NBR1: variants seen among roughly 807,000 people sequenced by gnomAD.
NBR1 encodes NBR1 autophagy cargo receptor, also known as next to BRCA1 gene 1 protein.
Under a neutral mutation model 115.5 loss-of-function variants are expected in NBR1, and 59 were observed. That is an observed-to-expected ratio of 0.51 (90% confidence interval 0.41 to 0.63). The LOEUF is 0.63. NBR1 is among the 30% of genes least tolerant of loss of function. The pLI, the probability that NBR1 is intolerant of heterozygous loss-of-function variation, is 0.00. For synonymous variants in NBR1, 373 were observed against 414.7 expected, an observed-to-expected ratio of 0.90 and a Z score of 1.22; for missense variants, 1,043 against 1,150.5, an observed-to-expected ratio of 0.91 and a Z score of 1.35.
rs1381534014 is a variant in NBR1, at chr17:43,200,409, C to T, written c.2269C>T (p.Gln757Ter). The change falls in exon 17 of 21, where the codon CAG becomes TAG. Residue 757 changes from glutamine (Q) to a stop codon, truncating the protein, a stop_gained. Transcript: ENST00000590996. LOFTEE classifies it high-confidence loss of function. The part of the protein sequence containing the change: ...GDSMYSSALS[Q>*]PGLERGAEGK... ...TTCTATGTACAGCTCTGCGCTCTCA[C>T]AGCCAGGCCTGGAGCGAGGTGCTGA... 1.2e-6 allele frequency: 2 copies of T among 1,605,358 alleles called. No homozygotes were observed. Among genetic ancestry groups the T allele is most frequent in the African/African-American group, 2.7e-5 (2 of 74,808 alleles).
intron 1 of NBR1, among the ~76,000 whole-genome samples, chr17:43,171,620 A>C (rs2056372491): frequency 6.6e-6 from 1 of 152,192 alleles, no homozygotes; most frequent in Non-Finnish European, 1.5e-5. Context: ...TCTTGGGAAC[A>C]TGGAGTGCTA....
chr17:43,175,546 G>T (rs2056490708), intron 1 of NBR1, among the ~76,000 whole-genome samples: 1 of 152,080 alleles, frequency 6.6e-6, no homozygotes, highest in Non-Finnish European at 1.5e-5. Flanking sequence ...AATAATTTTT[G>T]TGACTTAAGT....
At chr17:43,171,964 C>T (rs1195774575) in intron 1 of NBR1, among the ~76,000 whole-genome samples, 1 of 152,064 alleles carries the variant, frequency 6.6e-6, no homozygotes, top group Non-Finnish European at 1.5e-5. Flanking sequence ...ATTTTAAAGC[C>T]TGGATAACTT....
At chr17:43,208,424 T>C (rs1354623744) in intron 20 of NBR1, among the ~76,000 whole-genome samples, 1 of 152,190 alleles carries the variant, frequency 6.6e-6, no homozygotes, top group Non-Finnish European at 1.5e-5. Context: ...GAAGGTAGAA[T>C]GGAACAGTGG....
chr17:43,207,300 C>T (rs894195441), intron 20 of NBR1, among the ~76,000 whole-genome samples: 1 of 152,152 alleles, frequency 6.6e-6, no homozygotes, highest in Non-Finnish European at 1.5e-5. Flanking sequence ...GCTTAAGTCC[C>T]TTATATAAAA....
At chr17:43,190,582 G>T (rs979775040) in intron 8 of NBR1, 27 bp from the exon 9 acceptor site, 2 of 1,555,298 alleles carry the variant, frequency 1.3e-6, no homozygotes, top group South Asian at 1.2e-5. Context: ...TTCTGCCATT[G>T]TGTATTGTGC....
At chr17:43,184,129 G>A (rs1385193979) in intron 5 of NBR1, among the ~76,000 whole-genome samples, 4 of 152,006 alleles carry the variant, frequency 2.6e-5, no homozygotes, top group African/African-American at 9.7e-5. Flanking sequence ...TGGTGTGATT[G>A]CAGCCTTGAC....
rs1023697218 is a variant in NBR1, at chr17:43,210,977, A to C, written c.*903A>C. ...GTGAAAGGCAAAAGGCAGGCTCCTAAATTAATGTCAGTGAAGTTCAGGGTG... is the reference window on the plus strand; with the variant it reads ...GTGAAAGGCAAAAGGCAGGCTCCTACATTAATGTCAGTGAAGTTCAGGGTG... On this transcript the variant is annotated 3_prime_UTR_variant, in exon 21 of 21. Coordinates refer to ENST00000590996, the MANE Select transcript of NBR1 (RefSeq NM_005899.5). 1.4e-4 allele frequency: 48 copies of C among 348,804 alleles called. 2 individuals are homozygous for C. The highest frequency in any genetic ancestry group is 2.3e-4 in the Non-Finnish European group (45 of 195,720). The allele number at this position is 348,804 out of a possible 1,614,324, so 21.6% of individuals were successfully genotyped here.
rs528738004 is a variant in NBR1, at chr17:43,203,729, G to A, written c.2670G>A (p.Leu890=). Residue 890 remains leucine, a synonymous_variant, in exon 20 of 21, where the codon TTG becomes TTA. Coordinates refer to ENST00000590996, the MANE Select transcript of NBR1 (RefSeq NM_005899.5). The stretch of plus-strand genomic sequence containing the variant: ...CTGGAGGACTGGTGAAGGGGGCTTT[G>A]TCTGTTGCTGCCTCTGCATACAAGG... ...SIAGGLVKGA[L]SVAASAYKAL... 6.2e-7 allele frequency: 1 copy of A among 1,610,318 alleles called. No individual in the cohort carries two copies. The highest frequency in any genetic ancestry group is 1.1e-5 in the South Asian group (1 of 90,078).
intron 14 of NBR1, 43 bp from the exon 15 acceptor site, chr17:43,196,438 A>C: frequency 8.2e-7 from 1 of 1,219,936 alleles, no homozygotes; most frequent in Non-Finnish European, 1.1e-6. Flanking sequence ...TGATGATATG[A>C]TGCTTTCTCT....
intron 5 of NBR1, among the ~76,000 whole-genome samples, chr17:43,185,632 C>CA (rs2056782292): frequency 1.3e-5 from 2 of 152,154 alleles, no homozygotes; most frequent in African/African-American, 4.8e-5. Flanking sequence ...GCCCAAGAGA[C>CA]AGGCTGCAGT....
rs1221543125 is a variant in NBR1, at chr17:43,189,598, A to G, written c.491A>G (p.Gln164Arg). ...FTSYLETFRE[Q>R]VVNETVEKLE... ...TGCTCCATATTCTAGTTCAGAGAAC[A>G]AGTGGTTAACGAAACGGTTGAGAAG... Residue 164 changes from glutamine (Q) to arginine (R), a missense_variant, in exon 8 of 21, where the codon CAA becomes CGA. By Grantham distance (43) the Gln-to-Arg change is conservative. Transcript: ENST00000590996. 2 of 1,613,686 alleles carry G rather than the reference A, an allele frequency of 1.2e-6. No homozygotes were observed. The highest frequency in any genetic ancestry group is 3.3e-5 in the Admixed American group (2 of 60,012).
rs1239769775 is a variant in NBR1, at chr17:43,210,769, A to G, written c.*695A>G. 6 of 398,432 alleles carry G rather than the reference A, an allele frequency of 1.5e-5. No individual in the cohort carries two copies. Among genetic ancestry groups the G allele is most frequent in the Non-Finnish European group, 2.2e-5 (5 of 226,044 alleles). The allele number at this position is 398,432 out of a possible 1,614,324, so 24.7% of individuals were successfully genotyped here. A position where few individuals can be genotyped will look rare whatever the true frequency, so the allele number is the denominator to read the frequency against. ...CAGCACCTATTGAGCAATGTCTATT[A>G]TAGTAATTTTGCATACATTTTTATT... On this transcript the variant is annotated 3_prime_UTR_variant, in exon 21 of 21. Coordinates refer to ENST00000590996, the MANE Select transcript of NBR1 (RefSeq NM_005899.5).
chr17:43,172,331 C>A (rs1160969363), intron 1 of NBR1, among the ~76,000 whole-genome samples: 1 of 152,214 alleles, frequency 6.6e-6, no homozygotes, highest in Non-Finnish European at 1.5e-5. Flanking sequence ...AAGCTAGAAT[C>A]TCCCACTTCC....
At chr17:43,195,651 CAA>C (rs34787155) in intron 14 of NBR1, 40,166 of 115,976 alleles carry the variant, frequency 0.35, 6,380 homozygotes, top group South Asian at 0.5. Context: ...AACTCCGTCT[CAA>C]AAAAAAAAAA....
intron 14 of NBR1, 150 bp from the exon 15 acceptor site, chr17:43,196,331 G>A (rs898999039): frequency 3.8e-6 from 2 of 526,902 alleles, no homozygotes; most frequent in African/African-American, 4.0e-5. Flanking sequence ...TTGGTCTGGA[G>A]AAATTTTTTG....
intron 2 of NBR1, among the ~76,000 whole-genome samples, chr17:43,177,070 A>C (rs1027674065): frequency 1.5e-4 from 23 of 152,094 alleles, no homozygotes; most frequent in African/African-American, 5.1e-4. Context: ...CAGGAGTTTG[A>C]GACCAGACTG....
At chr17:43,198,298 CTCTT>C (rs1310148058) in intron 16 of NBR1, among the ~76,000 whole-genome samples, 1 of 151,982 alleles carries the variant, frequency 6.6e-6, no homozygotes. Context: ...ATTGGAGAAT[CTCTT>C]TATTATAATC....
chr17:43,199,853 T>C (rs1387315313), intron 16 of NBR1, among the ~76,000 whole-genome samples: 1 of 152,222 alleles, frequency 6.6e-6, no homozygotes, highest in Non-Finnish European at 1.5e-5. Context: ...GTTTAAACTC[T>C]ACTCAGTATA....
Sources: gnomAD v4.1 joint callset for allele counts (sites outside exome capture counted in the v4.1 genomes callset) on GRCh38, gnomAD v4.1.1 for gene constraint, MANE v1.5 for transcripts, NCBI Gene and HGNC (gene_info 2026-07-23, HGNC 2026-07-21) for gene names.